The following LHFPL3 variants were observed in gnomAD, a reference collection of about 807,000 sequenced individuals.
The protein encoded by LHFPL3 is LHFPL tetraspan subfamily member 3, also known as LHFPL tetraspan subfamily member 3 protein.
In LHFPL3, 5 loss-of-function variants were observed where a neutral mutation model predicts 19.3. The ratio of observed to expected loss-of-function variants is 0.26; its 90% confidence interval spans 0.14 to 0.54. LHFPL3 has a LOEUF of 0.54. Ranked by LOEUF, LHFPL3 falls within the 20% of genes least tolerant of loss-of-function variation. LHFPL3 has a pLI of 0.94. For missense variants in LHFPL3, 249 were observed against 307.4 expected (o/e 0.81, Z 1.42); for synonymous variants, 133 against 126.2 (o/e 1.05, Z -0.36).
At chr7:104,366,400 T>C (rs958990407) in intron 1 of LHFPL3, among the ~76,000 whole-genome samples, 1 of 152,182 alleles carries the variant, frequency 6.6e-6, no homozygotes, top group Non-Finnish European at 1.5e-5. Flanking sequence ...GTCAGGCACA[T>C]AGTGGATGCT....
At chr7:104,417,053 T>A (rs1329241621) in intron 1 of LHFPL3, among the ~76,000 whole-genome samples, 1 of 152,216 alleles carries the variant, frequency 6.6e-6, no homozygotes. Flanking sequence ...TCACTGGGGA[T>A]TGAGTTTCCA....
intron 1 of LHFPL3, among the ~76,000 whole-genome samples, chr7:104,393,849 A>G (rs1358565919): frequency 6.6e-6 from 1 of 152,236 alleles, no homozygotes; most frequent in Non-Finnish European, 1.5e-5. Flanking sequence ...GCTAGTCACA[A>G]AAGACCACAT....
chr7:104,404,246 T>C (rs1006646756), intron 1 of LHFPL3, among the ~76,000 whole-genome samples: 4 of 152,238 alleles, frequency 2.6e-5, no homozygotes, highest in Non-Finnish European at 5.9e-5. Flanking sequence ...AGTTAATTAT[T>C]TTCTGATTTT....
intron 1 of LHFPL3, among the ~76,000 whole-genome samples, chr7:104,507,134 T>C (rs1408872066): frequency 1.3e-5 from 2 of 152,106 alleles, no homozygotes; most frequent in Non-Finnish European, 2.9e-5. Flanking sequence ...ACCAAATACA[T>C]TAGGAAAATT....
chr7:104,678,257 C>T (rs1485245676), intron 1 of LHFPL3, among the ~76,000 whole-genome samples: 1 of 152,086 alleles, frequency 6.6e-6, no homozygotes, highest in African/African-American at 2.4e-5. Context: ...TTTCTGAGCC[C>T]TGGTAAAGAG....
At chr7:104,379,969 T>C (rs1432318436) in intron 1 of LHFPL3, among the ~76,000 whole-genome samples, 4 of 152,212 alleles carry the variant, frequency 2.6e-5, no homozygotes, top group Admixed American at 6.5e-5. Flanking sequence ...GCCCAGAGCA[T>C]AGATTTAATG....
intron 1 of LHFPL3, among the ~76,000 whole-genome samples, chr7:104,566,974 T>C (rs1430428735): frequency 6.6e-6 from 1 of 152,254 alleles, no homozygotes; most frequent in African/African-American, 2.4e-5. Flanking sequence ...GGCTCATTTC[T>C]CACTCTTCTG....
chr7:104,781,133 G>T (rs2116423445), intron 2 of LHFPL3, among the ~76,000 whole-genome samples: 1 of 152,250 alleles, frequency 6.6e-6, no homozygotes, highest in African/African-American at 2.4e-5. Context: ...CACAGAAATA[G>T]GTACCATTCC....
At chr7:104,896,444 A>G (rs945706651) in intron 2 of LHFPL3, among the ~76,000 whole-genome samples, 4 of 152,224 alleles carry the variant, frequency 2.6e-5, no homozygotes, top group Non-Finnish European at 5.9e-5. Flanking sequence ...CTCACTGTCC[A>G]AAAGGTGAGC....
chr7:104,903,406 C>T (rs1792531361), intron 2 of LHFPL3, among the ~76,000 whole-genome samples: 1 of 152,052 alleles, frequency 6.6e-6, no homozygotes, highest in South Asian at 2.1e-4. Flanking sequence ...TTTTCCCCTG[C>T]CCCACACACA....
chr7:104,389,935 A>G (rs1355701457), intron 1 of LHFPL3, among the ~76,000 whole-genome samples: 2 of 152,102 alleles, frequency 1.3e-5, no homozygotes, highest in Non-Finnish European at 2.9e-5. Context: ...GTGTTAGTAA[A>G]TCTTCCTGAT....
intron 1 of LHFPL3, among the ~76,000 whole-genome samples, chr7:104,614,647 T>C (rs1163451607): frequency 2.1e-5 from 2 of 95,940 alleles, no homozygotes; most frequent in African/African-American, 7.3e-5. Context: ...TCTTCTCTTC[T>C]CTTCTCTCCT....
intron 2 of LHFPL3, among the ~76,000 whole-genome samples, chr7:104,866,990 G>A (rs1254284696): frequency 1.3e-5 from 2 of 152,166 alleles, no homozygotes; most frequent in Non-Finnish European, 2.9e-5. Context: ...GGTACATAAA[G>A]AAATGAAGGC....
At position 104,731,479 on chromosome 7, in the gene LHFPL3, G is replaced by A. The variant is rs1184137526; in HGVS notation, c.446-5196G>A. On this transcript the variant is annotated intron_variant, in intron 1 of 2. Coordinates refer to ENST00000424859, the MANE Select transcript of LHFPL3 (RefSeq NM_199000.3). ...GATTCCTAGGTATTTTATTCTCTTT[G>A]AAGCAATTGTGAATGGGAGTTCACT... 3.3e-5 allele frequency among the ~76,000 whole-genome samples: 5 copies of A among 152,260 alleles called. No individual in the cohort carries two copies. In the East Asian group the frequency reaches 9.6e-4, roughly 29 times the overall value.
At chr7:104,480,243 C>T (rs1460872475) in intron 1 of LHFPL3, among the ~76,000 whole-genome samples, 1 of 152,174 alleles carries the variant, frequency 6.6e-6, no homozygotes, top group Non-Finnish European at 1.5e-5. Context: ...TTCTGCCTCA[C>T]AGAATTGTGA....
At chr7:104,427,265 C>G (rs1424233336) in intron 1 of LHFPL3, among the ~76,000 whole-genome samples, 2 of 151,892 alleles carry the variant, frequency 1.3e-5, no homozygotes, top group Non-Finnish European at 2.9e-5. Context: ...CCTATGTGAA[C>G]TTGTAAAGCT....
chr7:104,457,422 A>C (rs1013942162), intron 1 of LHFPL3, among the ~76,000 whole-genome samples: 8 of 152,132 alleles, frequency 5.3e-5, no homozygotes, highest in African/African-American at 1.9e-4. Context: ...AATTTCATCC[A>C]TGTCCCTACA....
intron 2 of LHFPL3, among the ~76,000 whole-genome samples, chr7:104,758,334 A>G (rs572383903): frequency 6.6e-6 from 1 of 152,186 alleles, no homozygotes; most frequent in Non-Finnish European, 1.5e-5. Flanking sequence ...AAACCTGCAC[A>G]TGTACCCCCG....
chr7:104,497,629 A>C (rs1344578706), intron 1 of LHFPL3, among the ~76,000 whole-genome samples: 3 of 146,558 alleles, frequency 2.0e-5, no homozygotes, highest in Non-Finnish European at 4.5e-5. Context: ...CACCAATTAA[A>C]AAAAAAAAAA....
Sources: gnomAD v4.1 joint callset for allele counts (sites outside exome capture counted in the v4.1 genomes callset) on GRCh38, gnomAD v4.1.1 for gene constraint, MANE v1.5 for transcripts, NCBI Gene and HGNC (gene_info 2026-07-23, HGNC 2026-07-21) for gene names.